The following LRRTM4 variants were observed in gnomAD, a reference collection of about 807,000 sequenced individuals.
LRRTM4 encodes leucine rich repeat transmembrane neuronal 4.
Under a neutral mutation model 47.6 loss-of-function variants are expected in LRRTM4, and 25 were observed. The ratio of observed to expected loss-of-function variants is 0.53; its 90% CI spans 0.38 to 0.73. The LOEUF is 0.73. Among genes scored for constraint, LRRTM4 ranks in the 30% least tolerant of loss-of-function variants. The pLI is 0.00. For missense variants in LRRTM4, 638 were observed against 713.4 expected (o/e 0.89, Z 1.20); for synonymous variants, 311 against 269.5 (o/e 1.15, Z -1.51).
At chr2:76,841,619 C>T (rs1206934600) in intron 3 of LRRTM4, among the ~76,000 whole-genome samples, 2 of 148,996 alleles carry the variant, frequency 1.3e-5, no homozygotes, top group African/African-American at 4.9e-5. Flanking sequence ...ACCCACAATT[C>T]CAGTTAAAAA....
chr2:77,131,516 C>T (rs919941117), intron 3 of LRRTM4, among the ~76,000 whole-genome samples: 1 of 152,146 alleles, frequency 6.6e-6, no homozygotes, highest in Non-Finnish European at 1.5e-5. Flanking sequence ...TGAACCAAAA[C>T]TGTGGTTCTA....
At chr2:76,893,727 G>A (rs1000737374) in intron 3 of LRRTM4, among the ~76,000 whole-genome samples, 1 of 151,694 alleles carries the variant, frequency 6.6e-6, no homozygotes, top group African/African-American at 2.4e-5. Context: ...CAAGGTCAGA[G>A]GTAGAACAGA....
intron 3 of LRRTM4, among the ~76,000 whole-genome samples, chr2:77,240,962 G>T (rs1161014657): frequency 6.6e-6 from 1 of 151,876 alleles, no homozygotes; most frequent in Non-Finnish European, 1.5e-5. Context: ...ACTAAGTATT[G>T]TTAAAATGCT....
chr2:76,940,419 A>AAT (rs942818568), intron 3 of LRRTM4, among the ~76,000 whole-genome samples: 1 of 152,140 alleles, frequency 6.6e-6, no homozygotes, highest in Non-Finnish European at 1.5e-5. Flanking sequence ...TCTCACTTAT[A>AAT]AGTGGGTGCT....
intron 3 of LRRTM4, among the ~76,000 whole-genome samples, chr2:76,776,444 G>A (rs1299443710): frequency 6.6e-6 from 1 of 152,042 alleles, no homozygotes; most frequent in Non-Finnish European, 1.5e-5. Context: ...TTGAAAGATT[G>A]CCATTCTAAC....
intron 3 of LRRTM4, among the ~76,000 whole-genome samples, chr2:77,190,291 C>CTT (rs143873795): frequency 3.7e-4 from 38 of 103,898 alleles, no homozygotes; most frequent in Middle Eastern, 4.9e-3. Context: ...GCATTTTCAT[C>CTT]TTTTTTTTTT....
chr2:76,986,143 T>G (rs954270826), intron 3 of LRRTM4: 1 of 150,252 alleles, frequency 6.7e-6, no homozygotes. Flanking sequence ...ATTTTAGCAG[T>G]GCTACTTTTT....
chr2:77,271,406 C>T (rs529566811), intron 3 of LRRTM4, among the ~76,000 whole-genome samples: 35 of 152,268 alleles, frequency 2.3e-4, no homozygotes, highest in African/African-American at 7.5e-4. Flanking sequence ...TGCTTGCTTG[C>T]GCCTGGTCTG....
intron 3 of LRRTM4, among the ~76,000 whole-genome samples, chr2:77,507,398 G>A (rs530545401): frequency 5.3e-4 from 81 of 152,092 alleles, no homozygotes; most frequent in East Asian, 1.2e-3. Flanking sequence ...TGTTTTGTTG[G>A]AGAATCATAT....
rs1354992499 is a variant in LRRTM4, at chr2:76,748,290, C to T, written c.*405G>A. 1 of 163,684 alleles carries T rather than the reference C, an allele frequency of 6.1e-6. No homozygotes were observed. The highest frequency in any genetic ancestry group is 2.4e-5 in the African/African-American group (1 of 41,632). 10.1% of individuals were successfully genotyped at this position (163,684 alleles called of 1,614,324 possible). On this transcript the variant is annotated 3_prime_UTR_variant, in exon 4 of 4. Transcript: ENST00000409884. ...CACCTAAAGAGGAAAACGGTTGTTT[C>T]CCTAGCTTCCCACCCACCCCTGTTT...
At chr2:77,505,063 G>A (rs1280055729) in intron 3 of LRRTM4, among the ~76,000 whole-genome samples, 1 of 150,780 alleles carries the variant, frequency 6.6e-6, no homozygotes, top group African/African-American at 2.4e-5. Context: ...AACTAATAAA[G>A]AACATAATAT....
chr2:77,468,366 T>C (rs1677060220), intron 3 of LRRTM4, among the ~76,000 whole-genome samples: 1 of 152,166 alleles, frequency 6.6e-6, no homozygotes, highest in African/African-American at 2.4e-5. Context: ...TATTGAGAAT[T>C]TTATAGAACA....
chr2:77,148,683 C>T (rs1156487822), intron 3 of LRRTM4, among the ~76,000 whole-genome samples: 1 of 152,110 alleles, frequency 6.6e-6, no homozygotes, highest in South Asian at 2.1e-4. Context: ...AAAGCCCTTA[C>T]AATTGATTGT....
chr2:77,175,493 T>A (rs544103529), intron 3 of LRRTM4, among the ~76,000 whole-genome samples: 1 of 152,212 alleles, frequency 6.6e-6, no homozygotes, highest in Admixed American at 6.5e-5. Flanking sequence ...CTCCTTGCTC[T>A]CCTAGGATTG....
At chr2:76,845,812 C>T (rs926399750) in intron 3 of LRRTM4, among the ~76,000 whole-genome samples, 15 of 151,942 alleles carry the variant, frequency 9.9e-5, no homozygotes, top group Admixed American at 2.6e-4. Flanking sequence ...GAGGGTGGCT[C>T]CTGAACACAA....
rs28809000 is a variant in LRRTM4 at position 76,935,792 on chromosome 2, G to A, written c.1552-186876C>T. Among the ~76,000 whole-genome samples, 651 of 152,240 alleles carry A rather than the reference G, an allele frequency of 4.3e-3. 1 individual carries two copies. The highest frequency in any genetic ancestry group is 0.015 in the African/African-American group (630 of 41,542). ...TATACAATCTTGTCTTCTACAAACA[G>A]ATAATTTGACTTCCTCTTTCCCTCA... On this transcript the variant is annotated intron_variant, in intron 3 of 3. Transcript: ENST00000409884.
intron 3 of LRRTM4, among the ~76,000 whole-genome samples, chr2:77,223,900 A>T (rs981380573): frequency 1.4e-4 from 21 of 152,226 alleles, no homozygotes; most frequent in Non-Finnish European, 1.8e-4. Flanking sequence ...ACGCATTGCC[A>T]AGACAATCCT....
chr2:77,370,599 GGATGACTAGCCAAA>G lies in LRRTM4; in HGVS notation c.1551+147705_1551+147718del, dbSNP rs780359852. 1.0e-3 allele frequency among the ~76,000 whole-genome samples: 154 copies of G among 151,700 alleles called. 1 individual carries two copies. The Middle Eastern group carries it at 0.01, about 10-fold the overall frequency. On this transcript the variant is annotated intron_variant, in intron 3 of 3. Transcript: ENST00000409884. ...TTTTGAAGTTTAGAAATATGTCTGT[GGATGACTAGCCAAA>G]GATGGCAGAATTTAGATATGATGAG...
At chr2:77,443,525 T>A (rs1675927971) in intron 3 of LRRTM4, among the ~76,000 whole-genome samples, 1 of 152,154 alleles carries the variant, frequency 6.6e-6, no homozygotes, top group South Asian at 2.1e-4. Flanking sequence ...AACATATACT[T>A]GAGCTTTAAT....
Sources: allele counts gnomAD v4.1 joint callset (sites outside exome capture counted in the v4.1 genomes callset), GRCh38; gene constraint gnomAD v4.1.1; transcripts MANE v1.5; gene names NCBI Gene and HGNC (gene_info 2026-07-23, HGNC 2026-07-21).